Variants in LARGE1 observed in about 807,000 individuals in gnomAD.
LARGE1 encodes the protein xylosyl- and glucuronyltransferase LARGE1.
LARGE1 carries 43 observed loss-of-function variants against 87.6 expected under a neutral mutation model. The observed-to-expected ratio is 0.49, with a 90% confidence interval of 0.38 to 0.63. LARGE1 has a LOEUF of 0.63. LARGE1 is among the 30% of genes least tolerant of loss of function. The pLI, the probability that LARGE1 is intolerant of heterozygous loss-of-function variation, is 0.00. For synonymous variants in LARGE1, 434 were observed against 394.6 expected (o/e 1.10, Z -1.18); for missense variants, 802 against 1,000.2 (o/e 0.80, Z 2.67).
At chr22:33,452,741 C>T (rs1441981889) in intron 6 of LARGE1, among the ~76,000 whole-genome samples, 2 of 152,214 alleles carry the variant, frequency 1.3e-5, no homozygotes, top group Admixed American at 1.3e-4. Flanking sequence ...AGAAACAACA[C>T]GCTCCCTTAG....
intron 6 of LARGE1, among the ~76,000 whole-genome samples, chr22:33,459,795 C>G (rs1304187294): frequency 2.6e-5 from 4 of 151,510 alleles, no homozygotes; most frequent in Admixed American, 2.0e-4. Flanking sequence ...CATAGTGGCT[C>G]TGAGCCTAGG....
Position 33,457,402 on chromosome 22 carries a change from C to T in LARGE1, c.788-25137G>A, listed in dbSNP as rs750674729. ...CCTGACCTCAAGTGATTCATCTGCC[C>T]GCCTCAGGGCTCCCAAAGTGCTGGG... On this transcript the variant is annotated intron_variant, in intron 6 of 14. Coordinates refer to ENST00000397394, the MANE Select transcript of LARGE1 (RefSeq NM_133642.5). Among the ~76,000 whole-genome samples, 10 of 150,384 alleles carry T rather than the reference C, an allele frequency of 6.6e-5. No individual in the cohort carries two copies. The South Asian group carries it at 1.1e-3, about 16-fold the overall frequency.
chr22:33,470,620 C>T (rs887899306), intron 6 of LARGE1, among the ~76,000 whole-genome samples: 1 of 152,234 alleles, frequency 6.6e-6, no homozygotes, highest in African/African-American at 2.4e-5. Context: ...CTCTCCCTCA[C>T]CTCCCCGGAA....
At chr22:33,480,005 A>G (rs1166256931) in intron 6 of LARGE1, among the ~76,000 whole-genome samples, 2 of 152,152 alleles carry the variant, frequency 1.3e-5, no homozygotes, top group African/African-American at 4.8e-5. Flanking sequence ...TCCACCTCCC[A>G]AAGTGCTGGG....
At chr22:33,915,752 T>C (rs540069817) in intron 1 of LARGE1, among the ~76,000 whole-genome samples, 16 of 152,272 alleles carry the variant, frequency 1.1e-4, no homozygotes, top group Middle Eastern at 3.4e-3. Flanking sequence ...GGGGGCACAG[T>C]CCTCAGCATG....
intron 1 of LARGE1, among the ~76,000 whole-genome samples, chr22:33,856,304 C>T (rs1489676434): frequency 6.6e-6 from 1 of 152,128 alleles, no homozygotes; most frequent in Non-Finnish European, 1.5e-5. Flanking sequence ...AGGGTCAGAA[C>T]CATTCCCGAC....
Position 33,273,812 on chromosome 22 carries a change from AAAAC to A in LARGE1, c.*611_*614del. 1 of 394,250 alleles carries A rather than the reference AAAAC, an allele frequency of 2.5e-6. No homozygotes were observed. Among genetic ancestry groups the A allele is most frequent in the Non-Finnish European group, 4.5e-6 (1 of 224,320 alleles). The allele number at this position is 394,250 out of a possible 1,614,324, so 24.4% of individuals were successfully genotyped here. A position where few individuals can be genotyped will look rare whatever the true frequency, so the allele number is the denominator to read the frequency against. ...CAAAAATAAACAAAACCCCCAAAGA[AAAAC>A]AAAACAAAACAGGAGTGACTTTGGG... is the stretch of plus-strand genomic sequence containing the variant. On this transcript the variant is annotated 3_prime_UTR_variant, in exon 15 of 15. Coordinates refer to ENST00000397394, the MANE Select transcript of LARGE1 (RefSeq NM_133642.5).
At chr22:33,186,620 C>T (rs1016853604) in intron 11 of LARGE1, among the ~76,000 whole-genome samples, 1 of 152,056 alleles carries the variant, frequency 6.6e-6, no homozygotes, top group African/African-American at 2.4e-5. Context: ...TACTTCTACT[C>T]AGCATTCTAC....
At chr22:33,406,839 C>T (rs2066118315) in intron 7 of LARGE1, among the ~76,000 whole-genome samples, 1 of 152,198 alleles carries the variant, frequency 6.6e-6, no homozygotes, top group Admixed American at 6.5e-5. Flanking sequence ...GTCACCCAGG[C>T]TGGAGTGCAA....
intron 1 of LARGE1, among the ~76,000 whole-genome samples, chr22:33,801,917 ACTGT>A (rs1255896770): frequency 1.3e-5 from 2 of 152,144 alleles, no homozygotes; most frequent in East Asian, 1.9e-4. Context: ...CACTTAAAAC[ACTGT>A]CTGACACCCC....
chr22:33,414,389 C>T (rs1332628264), intron 7 of LARGE1, among the ~76,000 whole-genome samples: 1 of 151,994 alleles, frequency 6.6e-6, no homozygotes, highest in Admixed American at 6.6e-5. Context: ...TGGAAATCTG[C>T]TATAGTTAAC....
intron 1 of LARGE1, among the ~76,000 whole-genome samples, chr22:33,874,332 C>T (rs1256152356): frequency 6.6e-6 from 1 of 152,162 alleles, no homozygotes; most frequent in African/African-American, 2.4e-5. Flanking sequence ...GAGGCTACTG[C>T]AACTGTCCTC....
At chr22:33,885,453 CTGTT>C (rs1397197021) in intron 1 of LARGE1, among the ~76,000 whole-genome samples, 5 of 152,294 alleles carry the variant, frequency 3.3e-5, no homozygotes, top group African/African-American at 9.6e-5. Flanking sequence ...AAGCCTCAGT[CTGTT>C]TATCTACAAA....
chr22:33,184,421 CTAT>C (rs1235331868), intron 11 of LARGE1, among the ~76,000 whole-genome samples: 3 of 151,382 alleles, frequency 2.0e-5, no homozygotes, highest in Admixed American at 1.3e-4. Flanking sequence ...CATATCACTA[CTAT>C]TGAGAAGCAT....
At chr22:33,522,739 G>A (rs1289910829) in intron 6 of LARGE1, among the ~76,000 whole-genome samples, 1 of 151,762 alleles carries the variant, frequency 6.6e-6, no homozygotes, top group Non-Finnish European at 1.5e-5. Flanking sequence ...GCTGAGGCAA[G>A]AGAATCGCTT....
chr22:33,268,018 C>T (rs983324271), downstream of LARGE1, among the ~76,000 whole-genome samples: 7 of 151,112 alleles, frequency 4.6e-5, no homozygotes, highest in South Asian at 2.1e-4. Context: ...TTCAGTGGCG[C>T]GATCTCGGCT....
intron 1 of LARGE1, among the ~76,000 whole-genome samples, chr22:33,838,199 T>C (rs566213506): frequency 1.3e-5 from 2 of 152,210 alleles, no homozygotes; most frequent in Admixed American, 6.5e-5. Context: ...GAATGCAGAC[T>C]CTTGCTCTCA....
intron 2 of LARGE1, among the ~76,000 whole-genome samples, chr22:33,722,592 C>T (rs573811846): frequency 2.7e-4 from 41 of 152,196 alleles, no homozygotes; most frequent in Non-Finnish European, 5.0e-4. Context: ...ATCATTCCTG[C>T]CCTTAGAATT....
chr22:33,095,086 A>G, the LARGE1 span, among the ~76,000 whole-genome samples: 4 of 152,196 alleles, frequency 2.6e-5, no homozygotes, highest in African/African-American at 4.8e-5. Flanking sequence ...GGCTTATCGT[A>G]TTACAACGTT....
Sources: gnomAD v4.1 joint callset for allele counts (sites outside exome capture counted in the v4.1 genomes callset) on GRCh38, gnomAD v4.1.1 for gene constraint, MANE v1.5 for transcripts, NCBI Gene and HGNC (gene_info 2026-07-23, HGNC 2026-07-21) for gene names.